The following PARL variants were observed in gnomAD, a reference collection of about 807,000 sequenced individuals.
PARL encodes the protein presenilin-associated rhomboid-like protein, mitochondrial.
PARL carries 44 observed loss-of-function variants against 51.6 expected under a neutral mutation model. That is an observed-to-expected ratio of 0.85 (90% confidence interval 0.67 to 1.10). The LOEUF (loss-of-function observed/expected upper bound fraction) is 1.10, where lower values mean the gene tolerates loss of function less well. PARL is among the 50% of genes least tolerant of loss of function. The probability of loss-of-function intolerance (pLI) is 0.00; values close to 1 mark genes in which losing one functional copy is unlikely to be tolerated. For synonymous variants in PARL, 172 were observed against 164.0 expected, an observed-to-expected ratio of 1.05 and a Z score of -0.37; for missense variants, 441 against 469.5, an observed-to-expected ratio of 0.94 and a Z score of 0.56.
chr3:183,857,945 G>A (rs999094352), intron 4 of PARL, among the ~76,000 whole-genome samples: 2 of 152,164 alleles, frequency 1.3e-5, no homozygotes, highest in African/African-American at 4.8e-5. Flanking sequence ...TACATGAAGT[G>A]GATTTGATTC....
intron 1 of PARL, among the ~76,000 whole-genome samples, chr3:183,881,061 C>T (rs2108723705): frequency 6.6e-6 from 1 of 152,058 alleles, no homozygotes; most frequent in Non-Finnish European, 1.5e-5. Flanking sequence ...AGTGATCTTC[C>T]TGCCTCAGCC....
At position 183,840,594 on chromosome 3, in the gene PARL, T is replaced by C. The variant is rs1433950083; in HGVS notation, c.804A>G (p.Gly268=). The part of the protein sequence containing the change: ...FVSYVGKVAT[G]RYGPSLGASG... ...CTGCACCAAGTGATGGTCCATATCT[T>C]CCTGTGGCAACTTTACCCACGTAAC... The change falls in exon 7 of 10, where the codon GGA becomes GGG. Residue 268 remains glycine, a synonymous_variant. Coordinates refer to ENST00000317096, the MANE Select transcript of PARL (RefSeq NM_018622.7). 2 of 1,554,206 alleles carry C rather than the reference T, an allele frequency of 1.3e-6. No individual in the cohort carries two copies. Among genetic ancestry groups the C allele is most frequent in the Non-Finnish European group, 8.8e-7 (1 of 1,131,778 alleles).
Position 183,856,944 on chromosome 3 carries a change from CTATA to C in PARL, c.511+5805_511+5808del, listed in dbSNP as rs745989539. On this transcript the variant is annotated intron_variant, in intron 4 of 9. Coordinates refer to ENST00000317096, the MANE Select transcript of PARL (RefSeq NM_018622.7). ...ATATACTTGTACAAGGTACAGAGAT[CTATA>C]TATAAGGCATTTCACTGTAGTAATA... is the stretch of plus-strand genomic sequence containing the variant. Among the ~76,000 whole-genome samples, 3 of 152,286 alleles carry C rather than the reference CTATA, an allele frequency of 2.0e-5. No individual in the cohort carries two copies. The East Asian group carries it at 5.8e-4, about 29-fold the overall frequency.
intron 4 of PARL, among the ~76,000 whole-genome samples, chr3:183,853,216 AT>A (rs959454370): frequency 2.6e-5 from 4 of 152,206 alleles, no homozygotes; most frequent in African/African-American, 9.6e-5. Flanking sequence ...GAATGGAAGT[AT>A]TTGCAAATAA....
chr3:183,876,610 T>TAAAAAAA (rs576376716), intron 1 of PARL, among the ~76,000 whole-genome samples: 27 of 91,798 alleles, frequency 2.9e-4, no homozygotes, highest in South Asian at 1.2e-3. Flanking sequence ...ATACATTTTG[T>TAAAAAAA]AAAAAAAAAA....
intron 1 of PARL, among the ~76,000 whole-genome samples, chr3:183,882,958 ACT>A (rs1196855351): frequency 3.3e-5 from 5 of 152,240 alleles, no homozygotes; most frequent in African/African-American, 1.2e-4. Flanking sequence ...GTAAACTGAT[ACT>A]ATTAACTTTA....
intron 7 of PARL, among the ~76,000 whole-genome samples, chr3:183,838,052 C>T (rs139938718): frequency 3.4e-5 from 5 of 148,376 alleles, no homozygotes; most frequent in East Asian, 2.0e-4. Context: ...GATGGGGTCT[C>T]GCTATGTTGT....
At chr3:183,873,659 C>T (rs967056025) in intron 1 of PARL, among the ~76,000 whole-genome samples, 1 of 152,148 alleles carries the variant, frequency 6.6e-6, no homozygotes, top group Non-Finnish European at 1.5e-5. Flanking sequence ...ATAAGAAATA[C>T]AAAGGATTTG....
At position 183,850,907 on chromosome 3, in the gene PARL, A is replaced by G. The variant is rs76388807; in HGVS notation, c.512-6581T>C. ...TTCATAGTTTCAGAATTTACAACAC[A>G]AACCTACAGGAATAAAGACAATGTA... On this transcript the variant is annotated intron_variant, in intron 4 of 9. Transcript: ENST00000317096. Among the ~76,000 whole-genome samples, 1,207 of 152,358 alleles carry G rather than the reference A, an allele frequency of 7.9e-3. 11 individuals are homozygous for G. The highest frequency in any genetic ancestry group is 0.027 in the African/African-American group (1,142 of 41,584).
At chr3:183,866,839 T>C (rs969847089) in intron 2 of PARL, 74 bp from the exon 3 acceptor site, 1 of 1,100,106 alleles carries the variant, frequency 9.1e-7, no homozygotes. Context: ...CAAGGAGAAT[T>C]CTTCACTGTC....
intron 1 of PARL, among the ~76,000 whole-genome samples, chr3:183,871,000 T>A (rs948723438): frequency 6.6e-6 from 1 of 152,168 alleles, no homozygotes; most frequent in Non-Finnish European, 1.5e-5. Context: ...GTTTTTTTAA[T>A]ACTTATCTCC....
chr3:183,836,217 C>CAA lies in PARL; in HGVS notation c.829-2394_829-2393dup, dbSNP rs56354792. ...GGGCAACAAGAACGAAACTCCATCT[C>CAA]AAAAAAAAAAAAAAAAAAAAAAAAA... On this transcript the variant is annotated intron_variant, in intron 7 of 9. Transcript: ENST00000317096. Among the ~76,000 whole-genome samples the CAA allele has an allele frequency of 3.6e-4, 30 of 84,254 alleles. 1 individual carries two copies. Among genetic ancestry groups the CAA allele is most frequent in the Middle Eastern group, 6.0e-3 (1 of 166 alleles). 55.3% of individuals were successfully genotyped at this position (84,254 alleles called of 152,430 possible).
Position 183,868,073 on chromosome 3 carries a change from A to G in PARL, c.126-13T>C. The G allele has an allele frequency of 6.2e-7, 1 of 1,601,886 alleles. No individual in the cohort carries two copies. Among genetic ancestry groups the G allele is most frequent in the Non-Finnish European group, 8.6e-7 (1 of 1,168,800 alleles). On this transcript the variant is annotated splice_polypyrimidine_tract_variant and intron_variant, in intron 1 of 9. Coordinates refer to ENST00000317096, the MANE Select transcript of PARL (RefSeq NM_018622.7). ...AAAGAAGTTAAACCTATGGGGCAAA[A>G]ATAACAGATGAGAAACACAGTAGCG...
rs1729171373 is a variant in PARL, at chr3:183,840,550, T to A, written c.828+20A>T. On this transcript the variant is annotated intron_variant, in intron 7 of 9. Coordinates refer to ENST00000317096, the MANE Select transcript of PARL (RefSeq NM_018622.7). Reference sequence around the variant, plus strand: ...AATTTAAAAATTAAATTAAAAAAAATTTACAATAGAAATACTTACTGCACC... The same window carrying A: ...AATTTAAAAATTAAATTAAAAAAAAATTACAATAGAAATACTTACTGCACC... 1.1e-5 allele frequency: 13 copies of A among 1,217,868 alleles called. No homozygotes were observed. The highest frequency in any genetic ancestry group is 2.4e-5 in the East Asian group (1 of 42,130). The allele number at this position is 1,217,868 out of a possible 1,614,324, so 75.4% of individuals were successfully genotyped here.
downstream of PARL, chr3:183,826,732 C>T (rs1182295261): frequency 2.0e-6 from 2 of 985,248 alleles, no homozygotes; most frequent in Non-Finnish European, 2.4e-6. Context: ...AGAGGGAGAT[C>T]CTGGAAAATG....
intron 4 of PARL, among the ~76,000 whole-genome samples, chr3:183,862,006 C>T (rs1039474049): frequency 6.6e-6 from 1 of 152,136 alleles, no homozygotes; most frequent in East Asian, 1.9e-4. Context: ...AACTCCTGAG[C>T]TCAAGGAATC....
intron 4 of PARL, chr3:183,846,608 A>T (rs73177511): frequency 1.0e-6 from 1 of 985,474 alleles, no homozygotes; most frequent in Non-Finnish European, 1.2e-6. Context: ...ATAAATAATG[A>T]GTACTGGCAC....
intron 4 of PARL, among the ~76,000 whole-genome samples, chr3:183,851,385 A>G (rs1730529089): frequency 6.6e-6 from 1 of 152,208 alleles, no homozygotes; most frequent in African/African-American, 2.4e-5. Context: ...AATGGGAAAA[A>G]TATTTGTGAA....
chr3:183,880,822 G>C (rs765581903), intron 1 of PARL, among the ~76,000 whole-genome samples: 16 of 151,820 alleles, frequency 1.1e-4, no homozygotes, highest in African/African-American at 1.7e-4. Context: ...TTTATTTTTT[G>C]GGTCTTTTTT....
Sources: allele counts gnomAD v4.1 joint callset (sites outside exome capture counted in the v4.1 genomes callset), GRCh38; gene constraint gnomAD v4.1.1; transcripts MANE v1.5; gene names NCBI Gene and HGNC (gene_info 2026-07-23, HGNC 2026-07-21).